RBFOX2: variants seen among roughly 807,000 people sequenced by gnomAD.
RBFOX2 encodes RNA binding fox-1 homolog 2.
RBFOX2 carries 10 observed loss-of-function variants against 49.1 expected under a neutral mutation model. The ratio of observed to expected loss-of-function variants is 0.20; its 90% CI spans 0.13 to 0.35. The LOEUF (loss-of-function observed/expected upper bound fraction) is 0.35. Among genes scored for constraint, RBFOX2 ranks in the 10% least tolerant of loss-of-function variants. The pLI, the probability that RBFOX2 is intolerant of heterozygous loss-of-function variation, is 1.00. For missense variants in RBFOX2, 323 were observed against 486.9 expected (o/e 0.66, Z 3.17); for synonymous variants, 183 against 187.4 (o/e 0.98, Z 0.19).
chr22:35,775,735 G>A (rs1943715384), intron 4 of RBFOX2, among the ~76,000 whole-genome samples: 1 of 151,098 alleles, frequency 6.6e-6, no homozygotes, highest in South Asian at 2.1e-4. Context: ...CAGCTACTCG[G>A]GAAGCTGAGG....
intron 1 of RBFOX2, among the ~76,000 whole-genome samples, chr22:36,026,549 C>G (rs112603533): frequency 4.6e-5 from 6 of 130,094 alleles, no homozygotes; most frequent in African/African-American, 2.0e-4. Context: ...CATACACACA[C>G]ACACACACAC....
intron 1 of RBFOX2, among the ~76,000 whole-genome samples, chr22:35,893,960 C>T (rs1238349860): frequency 1.3e-5 from 2 of 152,116 alleles, no homozygotes; most frequent in Non-Finnish European, 2.9e-5. Context: ...AAGAGACATA[C>T]TGCCATCTTT....
chr22:35,827,051 C>A (rs149122507), intron 1 of RBFOX2, among the ~76,000 whole-genome samples: 13 of 152,242 alleles, frequency 8.5e-5, no homozygotes, highest in African/African-American at 3.1e-4. Flanking sequence ...ACCATTTTAA[C>A]TGAAATTAAG....
intron 1 of RBFOX2, among the ~76,000 whole-genome samples, chr22:35,831,128 C>A (rs1156562986): frequency 6.6e-6 from 1 of 152,180 alleles, no homozygotes; most frequent in Non-Finnish European, 1.5e-5. Context: ...AACCTGCAAG[C>A]TAAGCATGGT....
At chr22:35,940,337 G>A (rs2053564804), upstream of RBFOX2, among the ~76,000 whole-genome samples, 1 of 152,162 alleles carries the variant, frequency 6.6e-6, no homozygotes, top group Non-Finnish European at 1.5e-5. Flanking sequence ...TGGCCAGTAA[G>A]TACATGAAGA....
At position 35,795,298 on chromosome 22, in the gene RBFOX2, T is replaced by C. The variant is rs193022348; in HGVS notation, c.253-13552A>G. On this transcript the variant is annotated intron_variant, in intron 2 of 11. Coordinates refer to ENST00000405409, the Ensembl canonical transcript of RBFOX2. ...AAAAGTGGATGGCTGAATGAATAAA[T>C]TCCTCCGTAGTCCAAGACCTCTACA... Among the ~76,000 whole-genome samples, 4 of 152,208 alleles carry C rather than the reference T, an allele frequency of 2.6e-5. No homozygotes were observed. In the East Asian group the frequency reaches 7.7e-4, roughly 29 times the overall value.
chr22:35,979,620 T>C (rs1253517194), intron 1 of RBFOX2, among the ~76,000 whole-genome samples: 5 of 152,144 alleles, frequency 3.3e-5, no homozygotes, highest in Non-Finnish European at 7.4e-5. Context: ...AACTGGGGAA[T>C]CCGAGTGAAG....
At chr22:35,840,542 A>C in exon 1 of RBFOX2, 2 of 1,189,222 alleles carry the variant, frequency 1.7e-6, no homozygotes, top group Non-Finnish European at 1.1e-6. Context: ...ACCCCCTCCC[A>C]GCAGGCTGAC....
chr22:35,919,017 T>C (rs1309155971), intron 1 of RBFOX2, among the ~76,000 whole-genome samples: 2 of 152,220 alleles, frequency 1.3e-5, no homozygotes, highest in Non-Finnish European at 1.5e-5. Context: ...AGATGTGGTA[T>C]ATCCACATAA....
At position 35,768,000 on chromosome 22, in the gene RBFOX2, AAAAC is replaced by A. The variant is rs564838583; in HGVS notation, c.546+253_546+256del. Among the ~76,000 whole-genome samples the A allele has an allele frequency of 1.9e-4, 29 of 152,268 alleles. No homozygotes were observed. The South Asian group carries it at 5.6e-3, about 29-fold the overall frequency. Reference sequence around the variant, plus strand: ...CATTTTGAAGGAAAAACATAAATGAAAAACAAACACACACACACGCACACACACA... The same window carrying A: ...CATTTTGAAGGAAAAACATAAATGAAAAACACACACACACGCACACACACA... On this transcript the variant is annotated intron_variant, in intron 5 of 11. Transcript: ENST00000405409.
At chr22:36,004,588 G>A (rs1259042746) in intron 1 of RBFOX2, among the ~76,000 whole-genome samples, 2 of 152,138 alleles carry the variant, frequency 1.3e-5, no homozygotes, top group Non-Finnish European at 2.9e-5. Flanking sequence ...CTGAGGTCAG[G>A]AGTTTGAGAT....
At chr22:35,973,826 G>A (rs75518661) in intron 1 of RBFOX2, among the ~76,000 whole-genome samples, 157 of 152,298 alleles carry the variant, frequency 1.0e-3, no homozygotes, top group Non-Finnish European at 2.0e-3. Flanking sequence ...GGATGAGTGG[G>A]TTCCTTTTCC....
intron 1 of RBFOX2, among the ~76,000 whole-genome samples, chr22:35,852,486 TAAAAAAA>T (rs576605291): frequency 4.7e-5 from 6 of 128,982 alleles, no homozygotes; most frequent in African/African-American, 1.7e-4. Flanking sequence ...CCTTTCTTTT[TAAAAAAA>T]AAAAAAAAAA....
chr22:36,012,822 T>A (rs894667761), intron 1 of RBFOX2, among the ~76,000 whole-genome samples: 9 of 152,036 alleles, frequency 5.9e-5, no homozygotes, highest in African/African-American at 1.9e-4. Context: ...TGGAGTGCAG[T>A]GGCATGATCT....
intron 2 of RBFOX2, among the ~76,000 whole-genome samples, chr22:35,801,827 A>AAAT (rs1379373419): frequency 2.0e-5 from 3 of 152,130 alleles, no homozygotes; most frequent in African/African-American, 7.2e-5. Context: ...TCGGTCTCAA[A>AAAT]AATAAGATCA....
intron 1 of RBFOX2, among the ~76,000 whole-genome samples, chr22:35,947,017 C>T (rs551370506): frequency 6.6e-6 from 1 of 152,222 alleles, no homozygotes; most frequent in East Asian, 1.9e-4. Flanking sequence ...CATGGCGAAA[C>T]CCCATCTCTA....
In RBFOX2 at chr22:35,749,476, T is replaced by C. The variant is rs1934069931; in HGVS notation, c.888-2915A>G. On this transcript the variant is annotated intron_variant, in intron 9 of 11. Coordinates refer to ENST00000405409, the Ensembl canonical transcript of RBFOX2. This position sits in a 1 kb window ranked among gnomAD's most constrained non-coding sequence, Gnocchi z 4.1. ...ACTCCAAAAGTAGAAAAATTAATTG[T>C]GTATCATGGATGTATTCCTCTCTCT... is the stretch of plus-strand genomic sequence containing the variant. 6.6e-6 allele frequency among the ~76,000 whole-genome samples: 1 copy of C among 152,114 alleles called. No individual in the cohort carries two copies. The highest frequency in any genetic ancestry group is 1.5e-5 in the Non-Finnish European group (1 of 68,016).
At chr22:35,966,888 C>G (rs2056593330) in intron 1 of RBFOX2, among the ~76,000 whole-genome samples, 1 of 152,026 alleles carries the variant, frequency 6.6e-6, no homozygotes, top group Admixed American at 6.6e-5. Flanking sequence ...TCATAGCTCA[C>G]TGCAGCCTTG....
intron 1 of RBFOX2, among the ~76,000 whole-genome samples, chr22:35,894,598 T>C (rs945755572): frequency 7.9e-5 from 12 of 152,102 alleles, no homozygotes; most frequent in African/African-American, 2.9e-4. Flanking sequence ...GTTCAGCCCT[T>C]GCGCCTAAGT....
Sources: allele counts gnomAD v4.1 joint callset (sites outside exome capture counted in the v4.1 genomes callset), GRCh38; gene constraint gnomAD v4.1.1; non-coding constraint Gnocchi (gnomAD v3.1); transcripts MANE v1.5; gene names NCBI Gene and HGNC (gene_info 2026-07-23, HGNC 2026-07-21).